Variants in ZNF428 observed in about 807,000 individuals in gnomAD.
The protein encoded by ZNF428 is enzyme-like protein PIT13.
ZNF428 carries 5 observed loss-of-function variants against 15.6 expected under a neutral mutation model. The ratio of observed to expected loss-of-function variants is 0.32; its 90% CI spans 0.17 to 0.67. The LOEUF (loss-of-function observed/expected upper bound fraction) is 0.67. Ranked by LOEUF, ZNF428 falls within the 30% of genes least tolerant of loss-of-function variation. The pLI, the probability that ZNF428 is intolerant of heterozygous loss-of-function variation, is 0.73. For missense variants in ZNF428, 237 were observed against 256.0 expected (o/e 0.93, Z 0.51); for synonymous variants, 97 against 102.2 (o/e 0.95, Z 0.31).
intron 2 of ZNF428, among the ~76,000 whole-genome samples, chr19:43,609,566 C>T (rs1379372583): frequency 1.3e-5 from 2 of 151,724 alleles, no homozygotes; most frequent in East Asian, 3.9e-4. Flanking sequence ...ATGGTGAAAC[C>T]CCGTCTCTAC....
chr19:43,614,272 C>T lies in ZNF428; in HGVS notation c.33G>A (p.Gly11=), dbSNP rs760259726. The T allele has an allele frequency of 2.5e-6, 4 of 1,613,260 alleles. No homozygotes were observed. Among genetic ancestry groups the T allele is most frequent in the Non-Finnish European group, 3.4e-6 (4 of 1,179,450 alleles). The change falls in exon 2 of 3, where the codon GGG becomes GGA. Residue 11 remains glycine (G), a synonymous_variant. Coordinates refer to ENST00000300811, the MANE Select transcript of ZNF428 (RefSeq NM_182498.4). ...CATCTTCTTCCAAGCTGGCGTAGCCCCCAGTCTCAGCTGGCTCACGGGTCT... is the reference window on the plus strand; with the variant it reads ...CATCTTCTTCCAAGCTGGCGTAGCCTCCAGTCTCAGCTGGCTCACGGGTCT... The part of the protein sequence containing the change: MTETREPAET[G]GYASLEEDDE...
At chr19:43,616,050 G>T (rs1194215724) in intron 1 of ZNF428, among the ~76,000 whole-genome samples, 1 of 152,218 alleles carries the variant, frequency 6.6e-6, no homozygotes, top group Non-Finnish European at 1.5e-5. Context: ...GCAGGAGGAG[G>T]TCAGAGAGAT....
chr19:43,607,567 C>T lies in ZNF428; in HGVS notation c.*50G>A. ...GTCACAACCCCAATTTCCTCAGCCCCCTCCTCCCACCCCACCCCTTCTGCC... is the reference window on the plus strand; with the variant it reads ...GTCACAACCCCAATTTCCTCAGCCCTCTCCTCCCACCCCACCCCTTCTGCC... On this transcript the variant is annotated 3_prime_UTR_variant, in exon 3 of 3. Coordinates refer to ENST00000300811, the MANE Select transcript of ZNF428 (RefSeq NM_182498.4). This position sits in a 1 kb window ranked among gnomAD's most constrained non-coding sequence, Gnocchi z 5.1. The T allele has an allele frequency of 1.3e-6, 2 of 1,528,682 alleles. No individual in the cohort carries two copies. Among genetic ancestry groups the T allele is most frequent in the South Asian group, 2.5e-5 (2 of 78,612 alleles). The allele number at this position is 1,528,682 out of a possible 1,614,324, so 94.7% of individuals were successfully genotyped here. A position where few individuals can be genotyped will look rare whatever the true frequency, so the allele number is the denominator to read the frequency against.
intron 2 of ZNF428, 78 bp downstream of exon 2, chr19:43,614,151 C>G (rs199729293): frequency 2.5e-5 from 40 of 1,613,552 alleles, no homozygotes; most frequent in Non-Finnish European, 2.8e-5. Flanking sequence ...CACTCCCCAT[C>G]AACATTTCCC....
rs1280968825 is a variant in ZNF428, at chr19:43,612,630, G to A, written c.76+1599C>T. The A allele has an allele frequency of 1.3e-6, 2 of 1,551,538 alleles. No individual in the cohort carries two copies. The highest frequency in any genetic ancestry group is 8.7e-7 in the Non-Finnish European group (1 of 1,146,986). On this transcript the variant is annotated intron_variant, in intron 2 of 2. Coordinates refer to ENST00000300811, the MANE Select transcript of ZNF428 (RefSeq NM_182498.4). This position sits in a 1 kb window ranked among gnomAD's most constrained non-coding sequence, Gnocchi z 4.2. ...ACTTCACAGCAAAAAGGGAGCCGGG[G>A]AAAGAGTTACGGCCGGCCTAGAACC...
At chr19:43,609,896 G>A (rs1335334525) in intron 2 of ZNF428, among the ~76,000 whole-genome samples, 1 of 152,202 alleles carries the variant, frequency 6.6e-6, no homozygotes, top group East Asian at 1.9e-4. Context: ...GGCCTTGGTG[G>A]TAGGAGCCTG....
In ZNF428 at chr19:43,607,787, C is replaced by A; in HGVS notation, c.397G>T (p.Glu133Ter). 1 of 1,590,706 alleles carries A rather than the reference C, an allele frequency of 6.3e-7. No homozygotes were observed. Among genetic ancestry groups the A allele is most frequent in the Non-Finnish European group, 8.6e-7 (1 of 1,168,744 alleles). ...APAPEGRALG[E>*]EEEEPPRAGE... is the part of the protein sequence containing the mutation. ...GCCCGAGGTGGTTCCTCCTCTTCCTCCCCGAGGGCCCTGCCTTCAGGGGCT... is the reference window on the plus strand; with the variant it reads ...GCCCGAGGTGGTTCCTCCTCTTCCTACCCGAGGGCCCTGCCTTCAGGGGCT... The change falls in exon 3 of 3, where the codon GAG becomes TAG. Residue 133 changes from glutamate (E) to a stop codon, truncating the protein, a stop_gained. Coordinates refer to ENST00000300811, the MANE Select transcript of ZNF428 (RefSeq NM_182498.4). LOFTEE classifies it high-confidence loss of function. This position sits in a 1 kb window ranked among gnomAD's most constrained non-coding sequence, Gnocchi z 5.1.
At position 43,608,043 on chromosome 19, in the gene ZNF428, A is replaced by T. The variant is rs750279206; in HGVS notation, c.141T>A (p.Asp47Glu). Residue 47 changes from aspartate to glutamate, a missense_variant, in exon 3 of 3, where the codon GAT (aspartate) becomes GAA (glutamate). Physicochemically the swap from Asp to Glu is conservative, Grantham distance 45 (BLOSUM62 2). Coordinates refer to ENST00000300811, the MANE Select transcript of ZNF428 (RefSeq NM_182498.4). ...TGGTCTCCTCTTCCTCCTCCTCCTC[A>T]TCTTCTTCCTCTTCGGAGTCCGGCT... ...LSEPDSEEEE[D>E]EEEEEEETTD... The T allele has an allele frequency of 1.2e-6, 2 of 1,613,574 alleles. No homozygotes were observed. The highest frequency in any genetic ancestry group is 2.2e-5 in the South Asian group (2 of 91,086).
intron 1 of ZNF428, among the ~76,000 whole-genome samples, chr19:43,616,434 G>C (rs1973372475): frequency 1.3e-5 from 2 of 152,132 alleles, no homozygotes; most frequent in South Asian, 2.1e-4. Flanking sequence ...GGGGCTTCCA[G>C]GCCTTAACTC....
chr19:43,618,235 G>A (rs909228894), intron 1 of ZNF428, among the ~76,000 whole-genome samples: 1 of 151,658 alleles, frequency 6.6e-6, no homozygotes, highest in Admixed American at 6.6e-5. Flanking sequence ...GGGTTTCACC[G>A]TGTTAGCCAG....
In ZNF428 at chr19:43,619,461, G is replaced by A. The variant is rs542688136; in HGVS notation, c.-131+97C>T. 5 of 152,384 alleles carry A rather than the reference G, an allele frequency of 3.3e-5. No homozygotes were observed. The East Asian group carries it at 5.8e-4, about 18-fold the overall frequency. 9.4% of individuals were successfully genotyped at this position (152,384 alleles called of 1,614,324 possible). On this transcript the variant is annotated intron_variant, in intron 1 of 2. Coordinates refer to ENST00000300811, the MANE Select transcript of ZNF428 (RefSeq NM_182498.4). ...CGGGTCACCACGGCCCCAGACCGCC[G>A]GCTCCCCGGTGACGGGAGTCGTCGC...
At chr19:43,610,454 C>T (rs531629783) in intron 2 of ZNF428, among the ~76,000 whole-genome samples, 1 of 152,066 alleles carries the variant, frequency 6.6e-6, no homozygotes, top group Admixed American at 6.5e-5. Flanking sequence ...CTCATCTCAG[C>T]CTCCCAAAGT....
chr19:43,614,473 A>T (rs1221707268), intron 1 of ZNF428, 39 bp from the exon 2 acceptor site: 6 of 1,426,832 alleles, frequency 4.2e-6, no homozygotes, highest in Non-Finnish European at 5.5e-6. Context: ...ATGATTCAAT[A>T]AATTTTTACA....
Position 43,613,383 on chromosome 19 carries a change from A to T in ZNF428, c.76+846T>A, listed in dbSNP as rs1343609313. On this transcript the variant is annotated intron_variant, in intron 2 of 2. Transcript: ENST00000300811. ...CGCAGCCGATCTAGAAGTCCCTACA[A>T]GGCGAGAGATCGCAGCCGATCTAGA... 1 of 1,549,616 alleles carries T rather than the reference A, an allele frequency of 6.5e-7. No individual in the cohort carries two copies.
chr19:43,615,107 G>GGGGAAAAAAAACCCTC (rs1973359072), intron 1 of ZNF428, among the ~76,000 whole-genome samples: 2 of 151,752 alleles, frequency 1.3e-5, no homozygotes, highest in Non-Finnish European at 2.9e-5. Flanking sequence ...GAAGTGTTAT[G>GGGGAAAAAAAACCCTC]GGGAAAAAAA....
At position 43,614,328 on chromosome 19, in the gene ZNF428, A is replaced by G; in HGVS notation, c.-24T>C. The G allele has an allele frequency of 6.3e-7, 1 of 1,585,362 alleles. No individual in the cohort carries two copies. The highest frequency in any genetic ancestry group is 1.2e-5 in the South Asian group (1 of 86,082). On this transcript the variant is annotated 5_prime_UTR_variant, in exon 2 of 3. Transcript: ENST00000300811. The stretch of plus-strand genomic sequence containing the variant: ...ATGACCGGGGGAGGGGACAGGAGAC[A>G]GGAGCAGAGCAGCAGCTGAGCAGCG...
rs1472039888 is a variant in ZNF428, at chr19:43,613,709, G to C, written c.76+520C>G. 4 of 1,551,192 alleles carry C rather than the reference G, an allele frequency of 2.6e-6. No individual in the cohort carries two copies. In the East Asian group the frequency reaches 7.3e-5, roughly 28 times the overall value. Reference sequence around the variant, plus strand: ...CAGACGATCTAGAAGCCCCAGCAAGGAGAGACAGCGCAGACAATCTAGAAG... The same window carrying C: ...CAGACGATCTAGAAGCCCCAGCAAGCAGAGACAGCGCAGACAATCTAGAAG... On this transcript the variant is annotated intron_variant, in intron 2 of 2. Transcript: ENST00000300811.
In ZNF428 at chr19:43,612,988, G is replaced by A; in HGVS notation, c.76+1241C>T. 1 of 1,551,672 alleles carries A rather than the reference G, an allele frequency of 6.4e-7. No homozygotes were observed. The highest frequency in any genetic ancestry group is 8.7e-7 in the Non-Finnish European group (1 of 1,146,962). On this transcript the variant is annotated intron_variant, in intron 2 of 2. Coordinates refer to ENST00000300811, the MANE Select transcript of ZNF428 (RefSeq NM_182498.4). The surrounding 1 kb of genome is among the most constrained non-coding windows in gnomAD (Gnocchi z 4.2). The stretch of plus-strand genomic sequence containing the variant: ...ACAGCCAATCTAGAAGCCCCAGAAG[G>A]TCAAGAAGTGGCAGTCAGAAGAGGA...
chr19:43,613,675 G>C, intron 2 of ZNF428: 1 of 1,551,526 alleles, frequency 6.4e-7, no homozygotes, highest in Non-Finnish European at 8.7e-7. Flanking sequence ...CCAGCAAAGA[G>C]AGAGATCACA....
Sources: gnomAD v4.1 joint callset for allele counts (sites outside exome capture counted in the v4.1 genomes callset) on GRCh38, gnomAD v4.1.1 for gene constraint, Gnocchi (gnomAD v3.1) non-coding constraint, MANE v1.5 for transcripts, NCBI Gene and HGNC (gene_info 2026-07-23, HGNC 2026-07-21) for gene names.